PDSS2: variants seen among roughly 807,000 people sequenced by gnomAD.
PDSS2 encodes the protein all trans-polyprenyl-diphosphate synthase PDSS2.
Under a neutral mutation model 44.5 loss-of-function variants are expected in PDSS2, and 31 were observed. The observed-to-expected ratio is 0.70, with a 90% confidence interval of 0.52 to 0.94. PDSS2 has a LOEUF of 0.94. PDSS2 is among the 40% of genes least tolerant of loss of function. The pLI, the probability that PDSS2 is intolerant of heterozygous loss-of-function variation, is 0.00. For missense variants in PDSS2, 452 were observed against 482.2 expected (o/e 0.94, Z 0.59); for synonymous variants, 157 against 180.3 (o/e 0.87, Z 1.03).
chr6:107,220,863 C>T (rs1221526779), intron 4 of PDSS2, among the ~76,000 whole-genome samples: 1 of 152,026 alleles, frequency 6.6e-6, no homozygotes, highest in Non-Finnish European at 1.5e-5. Flanking sequence ...AACAAAATCC[C>T]TCATTTCCAT....
chr6:107,432,604 A>G (rs1159704794), intron 1 of PDSS2, among the ~76,000 whole-genome samples: 2 of 152,098 alleles, frequency 1.3e-5, no homozygotes, highest in African/African-American at 4.8e-5. Context: ...CAGCCTAGCC[A>G]ACAAAATACA....
At chr6:107,289,056 C>T (rs997694184) in intron 2 of PDSS2, among the ~76,000 whole-genome samples, 3 of 149,938 alleles carry the variant, frequency 2.0e-5, no homozygotes, top group Non-Finnish European at 3.0e-5. Context: ...CGTGAGTCAC[C>T]GCGCCTGGCC....
intron 1 of PDSS2, among the ~76,000 whole-genome samples, chr6:107,366,490 GA>G (rs1263293467): frequency 1.3e-5 from 2 of 150,220 alleles, no homozygotes; most frequent in Non-Finnish European, 3.0e-5. Flanking sequence ...CAAGCAAGCA[GA>G]AAAAAAGAAA....
chr6:107,345,371 T>A (rs546758300), intron 1 of PDSS2, among the ~76,000 whole-genome samples: 1 of 149,594 alleles, frequency 6.7e-6, no homozygotes, highest in Admixed American at 6.7e-5. Context: ...AATGTTTCAA[T>A]GTAAGTAATC....
chr6:107,434,946 T>G (rs909172890), intron 1 of PDSS2, among the ~76,000 whole-genome samples: 3 of 152,052 alleles, frequency 2.0e-5, no homozygotes, highest in African/African-American at 7.3e-5. Flanking sequence ...CATAAAAATT[T>G]TTTTTAAAGC....
At chr6:107,168,216 C>T (rs540986764) in intron 7 of PDSS2, among the ~76,000 whole-genome samples, 2 of 152,284 alleles carry the variant, frequency 1.3e-5, no homozygotes, top group African/African-American at 4.8e-5. Flanking sequence ...GAAATGATCC[C>T]TTTACCATTA....
intron 1 of PDSS2, among the ~76,000 whole-genome samples, chr6:107,355,163 C>A (rs1278046460): frequency 6.6e-6 from 1 of 152,172 alleles, no homozygotes; most frequent in African/African-American, 2.4e-5. Flanking sequence ...TTGTGATCTG[C>A]CCACCTCAGC....
intron 1 of PDSS2, among the ~76,000 whole-genome samples, chr6:107,395,698 T>C (rs1187767680): frequency 6.6e-6 from 1 of 152,198 alleles, no homozygotes; most frequent in Non-Finnish European, 1.5e-5. Context: ...ATTTCAACAT[T>C]CTTGTTTGTC....
At chr6:107,198,824 C>T (rs140836946) in intron 6 of PDSS2, among the ~76,000 whole-genome samples, 1 of 151,650 alleles carries the variant, frequency 6.6e-6, no homozygotes, top group Non-Finnish European at 1.5e-5. Context: ...ACAACAACAA[C>T]AACAACAACA....
intron 2 of PDSS2, among the ~76,000 whole-genome samples, chr6:107,298,178 A>T (rs779805594): frequency 1.3e-5 from 2 of 152,234 alleles, no homozygotes; most frequent in Non-Finnish European, 2.9e-5. Context: ...CCCTATTGAG[A>T]AGAAGTAGCA....
At chr6:107,274,618 A>C (rs1775714107) in intron 2 of PDSS2, among the ~76,000 whole-genome samples, 1 of 151,666 alleles carries the variant, frequency 6.6e-6, no homozygotes, top group Non-Finnish European at 1.5e-5. Flanking sequence ...TGAGAATATA[A>C]TCTGTGCCAG....
rs753221338 is a variant in PDSS2, at chr6:107,212,272, A to G, written c.713T>C (p.Ile238Thr). ...HENSTSKESY[I>T]TDDIGISTWK... ...AGTCGATATTCCAATATCATCTGTG[A>G]TATAACTTTCCTAAAAATGTAACAA... is the stretch of plus-strand genomic sequence containing the variant. The change falls in exon 5 of 8, where the codon ATC becomes ACC. Residue 238 changes from isoleucine to threonine, a missense_variant. Coordinates refer to ENST00000369037, the MANE Select transcript of PDSS2 (RefSeq NM_020381.4). The G allele has an allele frequency of 2.6e-5, 42 of 1,611,652 alleles. No individual in the cohort carries two copies. Among genetic ancestry groups the G allele is most frequent in the Middle Eastern group, 1.6e-4 (1 of 6,080 alleles).
intron 1 of PDSS2, among the ~76,000 whole-genome samples, chr6:107,376,559 T>C (rs1779291684): frequency 6.6e-6 from 1 of 152,210 alleles, no homozygotes; most frequent in South Asian, 2.1e-4. Flanking sequence ...TTTGGCTCTC[T>C]GTCTGTTATT....
chr6:107,262,818 A>G (rs773054373), intron 3 of PDSS2, among the ~76,000 whole-genome samples: 6 of 152,040 alleles, frequency 3.9e-5, no homozygotes, highest in African/African-American at 7.2e-5. Context: ...ACAGTGGCTT[A>G]CGCCTGTCAT....
At chr6:107,209,616 G>A (rs961656892) in intron 6 of PDSS2, among the ~76,000 whole-genome samples, 8 of 144,798 alleles carry the variant, frequency 5.5e-5, no homozygotes, top group South Asian at 2.2e-4. Context: ...TAGAGATGAG[G>A]TTTCACTATG....
intron 2 of PDSS2, among the ~76,000 whole-genome samples, chr6:107,329,524 T>C (rs908041216): frequency 6.6e-6 from 1 of 152,158 alleles, no homozygotes; most frequent in African/African-American, 2.4e-5. Context: ...TGCATATCTA[T>C]GTCCAAATTT....
At chr6:107,417,263 T>A (rs1780690856) in intron 1 of PDSS2, among the ~76,000 whole-genome samples, 1 of 152,152 alleles carries the variant, frequency 6.6e-6, no homozygotes, top group Non-Finnish European at 1.5e-5. Context: ...GGTAACTTTT[T>A]TCACCTGATT....
intron 1 of PDSS2, among the ~76,000 whole-genome samples, chr6:107,387,957 C>G (rs1441816660): frequency 6.6e-6 from 1 of 152,172 alleles, no homozygotes; most frequent in African/African-American, 2.4e-5. Flanking sequence ...GATTGGCATG[C>G]ATTACATGAT....
chr6:107,383,722 A>T (rs1327831248), intron 1 of PDSS2, among the ~76,000 whole-genome samples: 1 of 152,248 alleles, frequency 6.6e-6, no homozygotes, highest in Non-Finnish European at 1.5e-5. Context: ...AATGCAAATC[A>T]AAGCCACAAT....
Sources: gnomAD v4.1 joint callset for allele counts (sites outside exome capture counted in the v4.1 genomes callset) on GRCh38, gnomAD v4.1.1 for gene constraint, MANE v1.5 for transcripts, NCBI Gene and HGNC (gene_info 2026-07-23, HGNC 2026-07-21) for gene names.